Variants in SLC44A1 observed in about 807,000 individuals in gnomAD.
SLC44A1 encodes the protein choline transporter-like protein 1.
In SLC44A1, 26 loss-of-function variants were observed where a neutral mutation model predicts 79.3. The observed-to-expected ratio is 0.33, with a 90% confidence interval of 0.24 to 0.46. The LOEUF (loss-of-function observed/expected upper bound fraction) is 0.46, where lower values mean the gene tolerates loss of function less well. SLC44A1 is among the 20% of genes least tolerant of loss of function. The pLI, the probability that SLC44A1 is intolerant of heterozygous loss-of-function variation, is 1.00. For synonymous variants in SLC44A1, 263 were observed against 286.2 expected (o/e 0.92, Z 0.82); for missense variants, 688 against 798.1 (o/e 0.86, Z 1.66).
At position 105,415,018 on chromosome 9, in the gene SLC44A1, G is replaced by A. The variant is rs762730245; in HGVS notation, c.1951-23263G>A. On this transcript the variant is annotated intron_variant, in intron 15 of 15. Transcript: ENST00000374724. ...TACTCACCCATCAAACATAAGAAAG[G>A]AAAGGTCAAGACTTTACTGGGTTCT... Among the ~76,000 whole-genome samples the A allele has an allele frequency of 7.0e-4, 106 of 152,112 alleles. 1 individual carries two copies. Among genetic ancestry groups the A allele is most frequent in the Non-Finnish European group, 1.2e-3 (79 of 68,024 alleles).
intron 1 of SLC44A1, among the ~76,000 whole-genome samples, chr9:105,266,767 G>A (rs1001619100): frequency 3.3e-5 from 5 of 152,006 alleles, no homozygotes; most frequent in African/African-American, 4.8e-5. Flanking sequence ...CTTCCTTTTC[G>A]AAGTTATTTT....
chr9:105,355,187 G>A (rs186009616), intron 5 of SLC44A1, among the ~76,000 whole-genome samples: 509 of 152,324 alleles, frequency 3.3e-3, no homozygotes, highest in Admixed American at 4.9e-3. Flanking sequence ...TAGAATCCGA[G>A]TAAATCACAA....
intron 3 of SLC44A1, among the ~76,000 whole-genome samples, chr9:105,331,240 A>G (rs1373833915): frequency 1.3e-5 from 2 of 152,224 alleles, no homozygotes; most frequent in Admixed American, 6.5e-5. Flanking sequence ...TGGAGATGGC[A>G]TAGGGAAGGG....
Position 105,389,119 on chromosome 9 carries a change from A to C in SLC44A1, c.*63A>C. ...AAACAATATATACACATAACTATGT[A>C]TTTGTGTGTGTGGGTGTGTGTATAT... is the stretch of plus-strand genomic sequence containing the variant. On this transcript the variant is annotated 3_prime_UTR_variant, in exon 16 of 16. Coordinates refer to ENST00000374720, the MANE Select transcript of SLC44A1 (RefSeq NM_080546.5). 1 of 1,594,920 alleles carries C rather than the reference A, an allele frequency of 6.3e-7. No homozygotes were observed.
At chr9:105,309,325 A>G (rs543801040) in intron 2 of SLC44A1, among the ~76,000 whole-genome samples, 1 of 152,204 alleles carries the variant, frequency 6.6e-6, no homozygotes, top group Non-Finnish European at 1.5e-5. Flanking sequence ...ATGGCCTTGG[A>G]TAACTTGTTT....
intron 15 of SLC44A1, among the ~76,000 whole-genome samples, chr9:105,435,751 T>C (rs1341498885): frequency 2.0e-5 from 3 of 152,200 alleles, no homozygotes; most frequent in Admixed American, 6.5e-5. Context: ...GGAGTTTAGC[T>C]AATAGCAGTG....
chr9:105,271,487 C>T lies in SLC44A1; in HGVS notation c.36+26583C>T, dbSNP rs559471109. Among the ~76,000 whole-genome samples, 8 of 152,232 alleles carry T rather than the reference C, an allele frequency of 5.3e-5. No homozygotes were observed. In the South Asian group the frequency reaches 8.3e-4, roughly 16 times the overall value. On this transcript the variant is annotated intron_variant, in intron 1 of 15. Coordinates refer to ENST00000374720, the MANE Select transcript of SLC44A1 (RefSeq NM_080546.5). ...ATATCAGTAAAGGAACTCTAGTCTG[C>T]GGGAATGGTACGAGCAAACACATAG...
At chr9:105,423,807 T>G (rs1829286290) in intron 15 of SLC44A1, among the ~76,000 whole-genome samples, 1 of 152,200 alleles carries the variant, frequency 6.6e-6, no homozygotes, top group Non-Finnish European at 1.5e-5. Context: ...AGTCATCTTA[T>G]AGATGTATTA....
chr9:105,271,742 T>C (rs1174411091), intron 1 of SLC44A1, among the ~76,000 whole-genome samples: 6 of 152,148 alleles, frequency 3.9e-5, no homozygotes, highest in Non-Finnish European at 7.4e-5. Context: ...GCCTCCCAGG[T>C]AGCTGGGATT....
chr9:105,277,416 A>T (rs919273175), intron 1 of SLC44A1, among the ~76,000 whole-genome samples: 1 of 152,202 alleles, frequency 6.6e-6, no homozygotes, highest in African/African-American at 2.4e-5. Flanking sequence ...AGATTCCCTG[A>T]TGGCAGGTAC....
At chr9:105,418,141 C>T (rs568352183) in intron 15 of SLC44A1, among the ~76,000 whole-genome samples, 5 of 151,832 alleles carry the variant, frequency 3.3e-5, no homozygotes, top group Non-Finnish European at 7.4e-5. Flanking sequence ...GGTGAAACTC[C>T]ATCTCTACTA....
Position 105,389,264 on chromosome 9 carries a change from G to A in SLC44A1, c.*208G>A, listed in dbSNP as rs965064029. 14 of 1,243,466 alleles carry A rather than the reference G, an allele frequency of 1.1e-5. No individual in the cohort carries two copies. The highest frequency in any genetic ancestry group is 1.4e-5 in the Non-Finnish European group (14 of 990,092). 77.0% of individuals were successfully genotyped at this position (1,243,466 alleles called of 1,614,324 possible). On this transcript the variant is annotated 3_prime_UTR_variant, in exon 16 of 16. Coordinates refer to ENST00000374720, the MANE Select transcript of SLC44A1 (RefSeq NM_080546.5). ...TTTTATGCTTATTTTTGTCAAACATGTACTCCTTTCATACGGGTGGCTTTT... is the reference window on the plus strand; with the variant it reads ...TTTTATGCTTATTTTTGTCAAACATATACTCCTTTCATACGGGTGGCTTTT...
intron 1 of SLC44A1, among the ~76,000 whole-genome samples, chr9:105,245,526 C>G (rs953884903): frequency 1.3e-5 from 2 of 152,344 alleles, no homozygotes; most frequent in East Asian, 1.9e-4. Flanking sequence ...CCCCATCCCC[C>G]CTTAGTGCCG....
chr9:105,343,416 T>C (rs987803997), intron 4 of SLC44A1, among the ~76,000 whole-genome samples: 3 of 152,210 alleles, frequency 2.0e-5, no homozygotes, highest in African/African-American at 7.2e-5. Flanking sequence ...TACTAATAAG[T>C]CTTTTTGATT....
At chr9:105,385,961 T>C in intron 15 of SLC44A1, 1 of 985,440 alleles carries the variant, frequency 1.0e-6, no homozygotes, top group Non-Finnish European at 1.2e-6. Context: ...TCTGCTTACA[T>C]TGCTGTCCTT....
intron 1 of SLC44A1, among the ~76,000 whole-genome samples, chr9:105,246,874 G>A (rs1829466256): frequency 6.6e-6 from 1 of 152,180 alleles, no homozygotes; most frequent in Non-Finnish European, 1.5e-5. Context: ...TTTTCAGAAT[G>A]CTATCGTATA....
Position 105,390,772 on chromosome 9 carries a change from G to A in SLC44A1, c.*1716G>A, listed in dbSNP as rs1015419594. ...TCAGAATATTTGCAATAAGAGTCTG[G>A]ATTTTAAAAAACACATGCATACACA... On this transcript the variant is annotated 3_prime_UTR_variant, in exon 16 of 16. Transcript: ENST00000374720. 2 of 985,100 alleles carry A rather than the reference G, an allele frequency of 2.0e-6. No individual in the cohort carries two copies. The highest frequency in any genetic ancestry group is 1.7e-5 in the African/African-American group (1 of 57,158). The allele number at this position is 985,100 out of a possible 1,614,324, so 61.0% of individuals were successfully genotyped here.
At chr9:105,263,502 T>C (rs1285488414) in intron 1 of SLC44A1, among the ~76,000 whole-genome samples, 1 of 152,094 alleles carries the variant, frequency 6.6e-6, no homozygotes, top group Non-Finnish European at 1.5e-5. Flanking sequence ...ATTAAATCTA[T>C]GTAATTTTTA....
chr9:105,353,113 G>C (rs759469213), intron 5 of SLC44A1, among the ~76,000 whole-genome samples: 75 of 152,076 alleles, frequency 4.9e-4, no homozygotes, highest in Non-Finnish European at 9.3e-4. Flanking sequence ...CTATCAGCTA[G>C]ACAATGTAGT....
Sources: allele counts gnomAD v4.1 joint callset (sites outside exome capture counted in the v4.1 genomes callset), GRCh38; gene constraint gnomAD v4.1.1; transcripts MANE v1.5; gene names NCBI Gene and HGNC (gene_info 2026-07-23, HGNC 2026-07-21).